ERP27: variants seen among roughly 807,000 people sequenced by gnomAD.
ERP27 encodes the protein endoplasmic reticulum protein 27.
ERP27 carries 23 observed loss-of-function variants against 27.7 expected under a neutral mutation model. The ratio of observed to expected loss-of-function variants is 0.83; its 90% CI spans 0.60 to 1.18. The LOEUF (loss-of-function observed/expected upper bound fraction) is 1.18, where lower values mean the gene tolerates loss of function less well. ERP27 is among the 50% of genes most tolerant of loss of function. The probability of loss-of-function intolerance (pLI) is 0.00; values close to 1 mark genes in which losing one functional copy is unlikely to be tolerated. For missense variants in ERP27, 363 were observed against 327.9 expected (o/e 1.11, Z -0.83); for synonymous variants, 159 against 118.3 (o/e 1.34, Z -2.23).
chr12:14,915,444 A>T (rs1863393111), intron 6 of ERP27, 45 bp downstream of exon 6: 2 of 1,585,820 alleles, frequency 1.3e-6, no homozygotes, highest in Non-Finnish European at 8.6e-7. Flanking sequence ...AATAAAAGGG[A>T]CATAGAAAGA....
chr12:14,931,363 CA>C (rs60215173), intron 3 of ERP27, among the ~76,000 whole-genome samples: 41,253 of 129,228 alleles, frequency 0.32, 5,411 homozygotes, highest in Middle Eastern at 0.37. Flanking sequence ...GTTCCCTTTT[CA>C]AAAAAAAAAA....
At position 14,914,068 on chromosome 12, in the gene ERP27, A is replaced by G. The variant is rs1863366829; in HGVS notation, c.*667T>C. 6.6e-6 allele frequency: 1 copy of G among 152,196 alleles called. No individual in the cohort carries two copies. The highest frequency in any genetic ancestry group is 2.4e-5 in the African/African-American group (1 of 41,428). The allele number at this position is 152,196 out of a possible 1,614,324, so 9.4% of individuals were successfully genotyped here. On this transcript the variant is annotated 3_prime_UTR_variant, in exon 7 of 7. Coordinates refer to ENST00000266397, the MANE Select transcript of ERP27 (RefSeq NM_152321.4). Reference sequence around the variant, plus strand: ...ATAACATGATTGCCTTTTATTTATTATGCAGGTTGTTGATTTACATAGGGA... The same window carrying G: ...ATAACATGATTGCCTTTTATTTATTGTGCAGGTTGTTGATTTACATAGGGA...
At chr12:14,920,309 C>T (rs955552997) in intron 4 of ERP27, among the ~76,000 whole-genome samples, 1 of 152,096 alleles carries the variant, frequency 6.6e-6, no homozygotes, top group Non-Finnish European at 1.5e-5. Flanking sequence ...GGTGTAGGCA[C>T]TTGCTAGTCA....
At chr12:14,934,444 G>C (rs1159219626) in intron 3 of ERP27, among the ~76,000 whole-genome samples, 6 of 152,158 alleles carry the variant, frequency 3.9e-5, no homozygotes, top group Non-Finnish European at 7.4e-5. Flanking sequence ...AGGGCATACA[G>C]GAAGTATTTA....
chr12:14,923,538 T>TCTA (rs71038644), intron 3 of ERP27, among the ~76,000 whole-genome samples: 1 of 151,524 alleles, frequency 6.6e-6, no homozygotes, highest in Non-Finnish European at 1.5e-5. Flanking sequence ...TATCTATCTA[T>TCTA]ATTACCTATC....
intron 6 of ERP27, 29 bp downstream of exon 6, chr12:14,915,460 A>G: frequency 1.2e-6 from 2 of 1,600,630 alleles, no homozygotes; most frequent in Non-Finnish European, 1.7e-6. Flanking sequence ...AAAGAAAACA[A>G]TTTGCTTTAC....
In ERP27 at chr12:14,914,532, G is replaced by C. The variant is rs1046770377; in HGVS notation, c.*203C>G. ...TTTAAAAGAAGGAAGAAGAGAAAAC[G>C]AGATTTTAAGACAGGAAATGAAGCT... On this transcript the variant is annotated 3_prime_UTR_variant, in exon 7 of 7. Transcript: ENST00000266397. The C allele has an allele frequency of 1.9e-6, 1 of 523,230 alleles. No homozygotes were observed. Among genetic ancestry groups the C allele is most frequent in the Admixed American group, 3.7e-5 (1 of 27,278 alleles). The allele number at this position is 523,230 out of a possible 1,614,324, so 32.4% of individuals were successfully genotyped here. A position where few individuals can be genotyped will look rare whatever the true frequency, so the allele number is the denominator to read the frequency against.
intron 4 of ERP27, among the ~76,000 whole-genome samples, chr12:14,920,283 G>T (rs1018706569): frequency 6.6e-6 from 1 of 152,194 alleles, no homozygotes; most frequent in African/African-American, 2.4e-5. Flanking sequence ...AGGAGAGAAG[G>T]CTGAGGCATG....
rs1185045703 is a variant in ERP27, at chr12:14,921,041, T to C, written c.341A>G (p.Asn114Ser). 6.2e-7 allele frequency: 1 copy of C among 1,613,270 alleles called. No homozygotes were observed. Among genetic ancestry groups the C allele is most frequent in the Non-Finnish European group, 8.5e-7 (1 of 1,179,182 alleles). ...NTICLFRLVDNEQLNLEDEDI... is the reference protein window; with the variant it reads ...NTICLFRLVDSEQLNLEDEDI... ...TTCGTCCTCTAAATTCAGTTGTTCA[T>C]TGTCTACCTGGATAACACAAAAAAG... The change falls in exon 4 of 7, where the codon AAT becomes AGT. Residue 114 changes from asparagine (N) to serine (S), a missense_variant. Transcript: ENST00000266397.
At chr12:14,915,746 A>AGAT in intron 5 of ERP27, 60 bp from the exon 6 acceptor site, 1 of 1,457,328 alleles carries the variant, frequency 6.9e-7, no homozygotes, top group Admixed American at 1.8e-5. Flanking sequence ...AGGGATAAAG[A>AGAT]GATACCTTGT....
rs192722277 is a variant in ERP27, at chr12:14,923,588, A to T, written c.334-2540T>A. Among the ~76,000 whole-genome samples, 60 of 152,028 alleles carry T rather than the reference A, an allele frequency of 3.9e-4. 1 individual carries two copies. The highest frequency in any genetic ancestry group is 1.0e-3 in the Admixed American group (16 of 15,276). On this transcript the variant is annotated intron_variant, in intron 3 of 6. Coordinates refer to ENST00000266397, the MANE Select transcript of ERP27 (RefSeq NM_152321.4). Reference sequence around the variant, plus strand: ...TTTTTCTGGTGAACAGAGAAACAGAAAAACAGAACCAACTATATTGCAAAT... The same window carrying T: ...TTTTTCTGGTGAACAGAGAAACAGATAAACAGAACCAACTATATTGCAAAT...
intron 3 of ERP27, chr12:14,929,145 C>A: frequency 9.1e-6 from 13 of 1,421,636 alleles, no homozygotes; most frequent in South Asian, 6.3e-5. Context: ...GAATCCCCCC[C>A]TCCCTGTACT....
At position 14,930,082 on chromosome 12, in the gene ERP27, A is replaced by G. The variant is rs144252276; in HGVS notation, c.333+4774T>C. Among the ~76,000 whole-genome samples, 24 of 152,286 alleles carry G rather than the reference A, an allele frequency of 1.6e-4. No individual in the cohort carries two copies. The East Asian group carries it at 3.7e-3, about 23-fold the overall frequency. The stretch of plus-strand genomic sequence containing the variant: ...CTAATGCATGCGGGGCTTAAAACCT[A>G]GGTGACGGGTAGATAGGTGCAGCAA... On this transcript the variant is annotated intron_variant, in intron 3 of 6. Transcript: ENST00000266397.
chr12:14,922,865 C>G (rs1477392891), intron 3 of ERP27, among the ~76,000 whole-genome samples: 1 of 152,112 alleles, frequency 6.6e-6, no homozygotes, highest in East Asian at 1.9e-4. Flanking sequence ...CACCTGAGGT[C>G]AGGAGTTCAA....
Position 14,914,416 on chromosome 12 carries a change from T to C in ERP27, c.*319A>G. On this transcript the variant is annotated 3_prime_UTR_variant, in exon 7 of 7. Transcript: ENST00000266397. ...TCATAGAGGCATCACAGTGAGTCTC[T>C]TAAAGCCTTGATCTAGGTGTGTTAC... 3.2e-6 allele frequency: 1 copy of C among 313,692 alleles called. No homozygotes were observed. Among genetic ancestry groups the C allele is most frequent in the Non-Finnish European group, 5.9e-6 (1 of 170,592 alleles). The allele number at this position is 313,692 out of a possible 1,614,324, so 19.4% of individuals were successfully genotyped here.
At chr12:14,936,919 A>G (rs1462474163) in intron 2 of ERP27, among the ~76,000 whole-genome samples, 1 of 152,112 alleles carries the variant, frequency 6.6e-6, no homozygotes, top group Non-Finnish European at 1.5e-5. Flanking sequence ...CCCGTCTTGC[A>G]TCTGGGGTCA....
At chr12:14,938,186 C>A in intron 1 of ERP27, 134 bp from the exon 2 acceptor site, 1 of 799,916 alleles carries the variant, frequency 1.3e-6, no homozygotes, top group East Asian at 2.5e-5. Context: ...GTTGGCATTC[C>A]AAGGCATAAT....
intron 3 of ERP27, among the ~76,000 whole-genome samples, chr12:14,927,882 C>A (rs1193769636): frequency 2.0e-5 from 3 of 152,084 alleles, no homozygotes; most frequent in African/African-American, 4.8e-5. Flanking sequence ...TATTTCAGAA[C>A]AAGCTTTCCA....
chr12:14,917,119 C>G, intron 5 of ERP27, 59 bp downstream of exon 5: 1 of 1,599,100 alleles, frequency 6.3e-7, no homozygotes, highest in Non-Finnish European at 8.5e-7. Flanking sequence ...AGCCCCATCT[C>G]CCTTTTCCTA....
Sources: gnomAD v4.1 joint callset for allele counts (sites outside exome capture counted in the v4.1 genomes callset) on GRCh38, gnomAD v4.1.1 for gene constraint, MANE v1.5 for transcripts, NCBI Gene and HGNC (gene_info 2026-07-23, HGNC 2026-07-21) for gene names.